ABTB3: variants seen among roughly 807,000 people sequenced by gnomAD.
ABTB3 encodes the protein ankyrin repeat and BTB domain containing 3.
chr12:107,635,875 CACA>C, the ABTB3 span, among the ~76,000 whole-genome samples: 7 of 126,502 alleles, frequency 5.5e-5, no homozygotes, highest in African/African-American at 2.2e-4. Flanking sequence ...CCCACCCACA[CACA>C]CACACACACA....
the ABTB3 span, among the ~76,000 whole-genome samples, chr12:107,440,395 C>T: frequency 6.6e-6 from 1 of 152,246 alleles, no homozygotes; most frequent in Admixed American, 6.5e-5. Context: ...TTCTAACCTC[C>T]AAGCCCTTCT....
At chr12:107,572,958 G>C in the ABTB3 span, among the ~76,000 whole-genome samples, 2 of 152,098 alleles carry the variant, frequency 1.3e-5, no homozygotes, top group Non-Finnish European at 1.5e-5. Flanking sequence ...GGTCAGTCAC[G>C]TGCGTCTGGG....
At chr12:107,409,203 A>C in the ABTB3 span, among the ~76,000 whole-genome samples, 33,441 of 152,162 alleles carry the variant, frequency 0.22, 4,503 homozygotes, top group South Asian at 0.33. Context: ...CCCAGGCCCC[A>C]TGGAAGGGCC....
the ABTB3 span, among the ~76,000 whole-genome samples, chr12:107,553,180 T>G: frequency 1.3e-5 from 2 of 152,238 alleles, no homozygotes; most frequent in Non-Finnish European, 2.9e-5. Context: ...GATCCATGAA[T>G]GGTGGGGATT....
At chr12:107,472,229 G>A in the ABTB3 span, among the ~76,000 whole-genome samples, 1 of 152,204 alleles carries the variant, frequency 6.6e-6, no homozygotes, top group Non-Finnish European at 1.5e-5. Flanking sequence ...TGAAGAGCTT[G>A]GAGCAGCTGG....
At chr12:107,469,849 T>C in the ABTB3 span, among the ~76,000 whole-genome samples, 2 of 145,848 alleles carry the variant, frequency 1.4e-5, no homozygotes, top group African/African-American at 2.6e-5. Flanking sequence ...TTCTCTCTCT[T>C]TCTCTTTCTT....
At chr12:107,497,681 G>A in the ABTB3 span, among the ~76,000 whole-genome samples, 5 of 152,252 alleles carry the variant, frequency 3.3e-5, no homozygotes, top group African/African-American at 7.2e-5. Flanking sequence ...GGCATTTCTC[G>A]CAATCATTCT....
the ABTB3 span, among the ~76,000 whole-genome samples, chr12:107,508,438 C>CTTTTTTTTTTTTTTTGTTTTTTTT: frequency 1.4e-5 from 1 of 69,150 alleles, no homozygotes; most frequent in Non-Finnish European, 2.7e-5. Flanking sequence ...AAGATCATTT[C>CTTTTTTTTTTTTTTTGTTTTTTTT]TTTTTTTTTT....
chr12:107,551,093 T>C, the ABTB3 span, among the ~76,000 whole-genome samples: 5 of 152,142 alleles, frequency 3.3e-5, no homozygotes, highest in South Asian at 8.3e-4. Context: ...CCATTCCTGG[T>C]ATCCTAAGCA....
the ABTB3 span, among the ~76,000 whole-genome samples, chr12:107,337,511 A>G: frequency 6.6e-5 from 10 of 152,176 alleles, no homozygotes; most frequent in Admixed American, 6.5e-4. Context: ...CACGTTCACA[A>G]TAGTATCTCA....
At chr12:107,534,053 G>C in the ABTB3 span, among the ~76,000 whole-genome samples, 9 of 152,072 alleles carry the variant, frequency 5.9e-5, no homozygotes, top group African/African-American at 2.2e-4. Context: ...AAATTAAAGA[G>C]CCAGCCACAG....
the ABTB3 span, among the ~76,000 whole-genome samples, chr12:107,612,531 C>T: frequency 5.3e-5 from 8 of 152,128 alleles, no homozygotes; most frequent in South Asian, 2.1e-4. Flanking sequence ...GACAAACGAA[C>T]GAAAATCCTC....
the ABTB3 span, among the ~76,000 whole-genome samples, chr12:107,486,906 A>ATAAC: frequency 3.9e-5 from 6 of 152,176 alleles, no homozygotes; most frequent in Non-Finnish European, 7.3e-5. Context: ...GAGAGATTAC[A>ATAAC]TAACTTTCTT....
the ABTB3 span, among the ~76,000 whole-genome samples, chr12:107,334,956 C>T: frequency 2.6e-5 from 4 of 152,144 alleles, no homozygotes; most frequent in Admixed American, 6.5e-5. Context: ...GTATTTCTGT[C>T]TGCAACCCTT....
the ABTB3 span, among the ~76,000 whole-genome samples, chr12:107,638,993 G>A: frequency 6.6e-6 from 1 of 152,210 alleles, no homozygotes; most frequent in South Asian, 2.1e-4. Flanking sequence ...TATGCTGTGG[G>A]AACTCAGCTG....
chr12:107,455,385 T>C, the ABTB3 span, among the ~76,000 whole-genome samples: 2 of 152,126 alleles, frequency 1.3e-5, no homozygotes, highest in African/African-American at 4.8e-5. Context: ...CTGCCTGGTG[T>C]GTTCTTTCTG....
chr12:107,648,144 G>T, the ABTB3 span, among the ~76,000 whole-genome samples: 1 of 152,136 alleles, frequency 6.6e-6, no homozygotes, highest in South Asian at 2.1e-4. Flanking sequence ...ACTTTGGGAG[G>T]CCGAGGTGGA....
the ABTB3 span, among the ~76,000 whole-genome samples, chr12:107,506,047 T>C: frequency 1.3e-5 from 2 of 152,140 alleles, no homozygotes; most frequent in Admixed American, 6.5e-5. Context: ...TGGGTATACC[T>C]AGTAATGGGA....
At chr12:107,421,729 C>T in the ABTB3 span, among the ~76,000 whole-genome samples, 5 of 152,294 alleles carry the variant, frequency 3.3e-5, no homozygotes, top group South Asian at 6.2e-4. Context: ...GTACCCCCTG[C>T]GCCTTCCACT....
Sources: allele counts gnomAD v4.1 joint callset (sites outside exome capture counted in the v4.1 genomes callset), GRCh38; gene constraint gnomAD v4.1.1; transcripts MANE v1.5; gene names NCBI Gene and HGNC (gene_info 2026-07-23, HGNC 2026-07-21).